GFER: variants seen among roughly 807,000 people sequenced by gnomAD.
The protein encoded by GFER is growth factor, augmenter of liver regeneration.
GFER carries 24 observed loss-of-function variants against 18.2 expected under a neutral mutation model. The ratio of observed to expected loss-of-function variants is 1.32; its 90% confidence interval spans 0.96 to 1.86. GFER has a LOEUF of 1.86. GFER is among the 40% of genes most tolerant of loss of function. The probability of loss-of-function intolerance (pLI) is 0.00; values close to 1 mark genes in which losing one functional copy is unlikely to be tolerated. For missense variants in GFER, 316 were observed against 295.6 expected (o/e 1.07, Z -0.51); for synonymous variants, 138 against 126.9 (o/e 1.09, Z -0.59).
chr16:1,985,801 A>G, intron 2 of GFER, 65 bp from the exon 3 acceptor site: 2 of 1,418,600 alleles, frequency 1.4e-6, no homozygotes, highest in South Asian at 1.1e-5. Context: ...GACAGCAGAC[A>G]GGGAACTGGC....
Position 1,984,951 on chromosome 16 carries a change from G to T in GFER, c.455+8G>T. ...TGAAGACCTAAGAAAAAGGTAAGATGTGTTTGCACGCAGCAGAGCTTTGCA... is the reference window on the plus strand; with the variant it reads ...TGAAGACCTAAGAAAAAGGTAAGATTTGTTTGCACGCAGCAGAGCTTTGCA... On this transcript the variant is annotated splice_region_variant and intron_variant, in intron 2 of 2. Transcript: ENST00000248114. 6.2e-7 allele frequency: 1 copy of T among 1,601,464 alleles called. No individual in the cohort carries two copies. The highest frequency in any genetic ancestry group is 8.6e-7 in the Non-Finnish European group (1 of 1,169,184).
At chr16:1,985,430 G>T (rs1484697704) in intron 2 of GFER, among the ~76,000 whole-genome samples, 1 of 152,230 alleles carries the variant, frequency 6.6e-6, no homozygotes, top group Non-Finnish European at 1.5e-5. Context: ...CAGTTAGAAT[G>T]AAGTCTCTTG....
At chr16:1,985,205 G>A (rs2083558067) in intron 2 of GFER, among the ~76,000 whole-genome samples, 1 of 152,252 alleles carries the variant, frequency 6.6e-6, no homozygotes, top group East Asian at 1.9e-4. Flanking sequence ...TGCCTTGTCT[G>A]GCACTGAAGG....
In GFER at chr16:1,984,889, A is replaced by G. The variant is rs2083555243; in HGVS notation, c.401A>G (p.His134Arg). 1 of 1,613,804 alleles carries G rather than the reference A, an allele frequency of 6.2e-7. No individual in the cohort carries two copies. The highest frequency in any genetic ancestry group is 8.5e-7 in the Non-Finnish European group (1 of 1,179,988). Residue 134 changes from histidine to arginine, a missense_variant, in exon 2 of 3, where the codon CAT becomes CGT. Coordinates refer to ENST00000248114, the MANE Select transcript of GFER (RefSeq NM_005262.3). ...CAGCAAGACATGGCCCAGTTCATACATTTATTTTCTAAGTTTTACCCCTGT... is the reference window on the plus strand; with the variant it reads ...CAGCAAGACATGGCCCAGTTCATACGTTTATTTTCTAAGTTTTACCCCTGT... ...EQQQDMAQFI[H>R]LFSKFYPCEE...
chr16:1,984,725 C>T (rs938705432), intron 1 of GFER, 22 bp from the exon 2 acceptor site: 11 of 1,599,178 alleles, frequency 6.9e-6, no homozygotes, highest in Non-Finnish European at 9.4e-6. Context: ...TGAACTCACT[C>T]TCGGTCGGCC....
chr16:1,984,691 C>T (rs532850984), intron 1 of GFER, 56 bp from the exon 2 acceptor site: 2 of 1,516,324 alleles, frequency 1.3e-6, no homozygotes, highest in Non-Finnish European at 1.8e-6. Context: ...CAGTGGGGAG[C>T]TTTGGGCGCC....
chr16:1,987,136 G>C lies in GFER; in HGVS notation c.*1108G>C, dbSNP rs1001448390. 1 of 152,254 alleles carries C rather than the reference G, an allele frequency of 6.6e-6. No homozygotes were observed. The highest frequency in any genetic ancestry group is 2.4e-5 in the African/African-American group (1 of 41,398). The allele number at this position is 152,254 out of a possible 1,614,324, so 9.4% of individuals were successfully genotyped here. ...CACGGCGGGGACAGATGCGGGGTACGTTAAAGGGAGAGCCAGAGAACTCAT... is the reference window on the plus strand; with the variant it reads ...CACGGCGGGGACAGATGCGGGGTACCTTAAAGGGAGAGCCAGAGAACTCAT... On this transcript the variant is annotated 3_prime_UTR_variant, in exon 3 of 3. Transcript: ENST00000248114.
Position 1,984,434 on chromosome 16 carries a change from G to A in GFER, c.216G>A (p.Arg72=), listed in dbSNP as rs755279097. The A allele has an allele frequency of 1.5e-5, 23 of 1,549,812 alleles. No homozygotes were observed. The African/African-American group carries it at 3.0e-4, about 20-fold the overall frequency. The part of the protein sequence containing the change: ...AEDASRRRPC[R]ACVDFKTWMR... ...ACGCCTCCCGGAGGCGGCCGTGCCG[G>A]GCCTGCGTCGACTTCAAGACGTGGA... Residue 72 remains arginine (R), a synonymous_variant, in exon 1 of 3, where the codon CGG becomes CGA. Transcript: ENST00000248114.
Position 1,985,943 on chromosome 16 carries a change from ACC to A in GFER, c.534_535del (p.Asn178LysfsTer7), listed in dbSNP as rs1567335660. The A allele has an allele frequency of 6.2e-7, 1 of 1,612,986 alleles. No individual in the cohort carries two copies. The highest frequency in any genetic ancestry group is 1.1e-5 in the South Asian group (1 of 91,094). ...CTGTGCCACCTGCACAATGAAGTGA[ACC>A]GCAAGCTGGGCAAGCCTGACTTCGA... On this transcript the variant is annotated frameshift_variant, in exon 3 of 3. Transcript: ENST00000248114. LOFTEE classifies it high-confidence loss of function.
At position 1,984,922 on chromosome 16, in the gene GFER, G is replaced by C; in HGVS notation, c.434G>C (p.Cys145Ser). The C allele has an allele frequency of 6.2e-7, 1 of 1,613,178 alleles. No homozygotes were observed. The highest frequency in any genetic ancestry group is 8.5e-7 in the Non-Finnish European group (1 of 1,179,536). ...TCTAAGTTTTACCCCTGTGAGGAGT[G>C]TGCTGAAGACCTAAGAAAAAGGTAA... ...LFSKFYPCEECAEDLRKRLCR... is the reference protein window; with the variant it reads ...LFSKFYPCEESAEDLRKRLCR... Residue 145 changes from cysteine (C) to serine (S), a missense_variant, in exon 2 of 3, where the codon TGT becomes TCT. Transcript: ENST00000248114.
rs1016101367 is a variant in GFER, at chr16:1,985,857, C to T, written c.456-9C>T. On this transcript the variant is annotated splice_polypyrimidine_tract_variant and intron_variant, in intron 2 of 2. Transcript: ENST00000248114. ...GTCCTCTCATTCTTTACCTGCTCTC[C>T]CTACACAGGCTGTGCAGGAACCACC... is the stretch of plus-strand genomic sequence containing the variant. The T allele has an allele frequency of 1.4e-5, 23 of 1,610,750 alleles. No homozygotes were observed. Among genetic ancestry groups the T allele is most frequent in the South Asian group, 3.3e-5 (3 of 91,052 alleles).
rs1185969720 is a variant in GFER at position 1,986,474 on chromosome 16, A to C, written c.*446A>C. 6.5e-6 allele frequency: 2 copies of C among 308,320 alleles called. No homozygotes were observed. The allele number at this position is 308,320 out of a possible 1,614,324, so 19.1% of individuals were successfully genotyped here. ...TGCCCCCCATGGCTCTGTGCTGCTCACTTTAGGGGGCTCAATTCTCCACTC... is the reference window on the plus strand; with the variant it reads ...TGCCCCCCATGGCTCTGTGCTGCTCCCTTTAGGGGGCTCAATTCTCCACTC... On this transcript the variant is annotated 3_prime_UTR_variant, in exon 3 of 3. Transcript: ENST00000248114.
At position 1,986,021 on chromosome 16, in the gene GFER, G is replaced by A; in HGVS notation, c.611G>A (p.Cys204Tyr). 1 of 1,612,668 alleles carries A rather than the reference G, an allele frequency of 6.2e-7. No individual in the cohort carries two copies. ...RWRDGWKDGSCD is the reference protein window; with the variant it reads ...RWRDGWKDGSYD The stretch of plus-strand genomic sequence containing the variant: ...CGCGACGGCTGGAAGGATGGCTCCT[G>A]TGACTAGAGGGTGGTCAGCCAGAGC... Residue 204 changes from cysteine (C) to tyrosine (Y), a missense_variant, in exon 3 of 3, where the codon TGT becomes TAT. Cys to Tyr is a radical substitution (Grantham distance 194). Transcript: ENST00000248114.
chr16:1,984,359 G>A lies in GFER; in HGVS notation c.141G>A (p.Ser47=). ...CGGGGCGGAGAGACGCGGCCGCCTC[G>A]GCCTCGACGCCAGCCCAGGCGCCGA... The part of the protein sequence containing the change: ...RGAGRRDAAA[S]ASTPAQAPTS... The change falls in exon 1 of 3, where the codon TCG becomes TCA. Residue 47 remains serine (S), a synonymous_variant. Coordinates refer to ENST00000248114, the MANE Select transcript of GFER (RefSeq NM_005262.3). 2.0e-6 allele frequency: 3 copies of A among 1,517,878 alleles called. No individual in the cohort carries two copies. Among genetic ancestry groups the A allele is most frequent in the Non-Finnish European group, 2.6e-6 (3 of 1,138,486 alleles). The allele number at this position is 1,517,878 out of a possible 1,614,324, so 94.0% of individuals were successfully genotyped here.
intron 2 of GFER, among the ~76,000 whole-genome samples, chr16:1,985,451 G>A (rs1417649436): frequency 6.6e-6 from 1 of 152,194 alleles, no homozygotes; most frequent in Admixed American, 6.5e-5. Flanking sequence ...CTGAACTGAC[G>A]CACCAGGGCC....
At position 1,986,537 on chromosome 16, in the gene GFER, T is replaced by G. The variant is rs2083568641; in HGVS notation, c.*509T>G. ...ACAGGGAAAGCTCAGGTCGGGTCTTTCTGAGGGTCCACCAGCCATCCTACC... is the reference window on the plus strand; with the variant it reads ...ACAGGGAAAGCTCAGGTCGGGTCTTGCTGAGGGTCCACCAGCCATCCTACC... On this transcript the variant is annotated 3_prime_UTR_variant, in exon 3 of 3. Transcript: ENST00000248114. 1 of 215,394 alleles carries G rather than the reference T, an allele frequency of 4.6e-6. No individual in the cohort carries two copies. Among genetic ancestry groups the G allele is most frequent in the Non-Finnish European group, 9.5e-6 (1 of 104,876 alleles). The allele number at this position is 215,394 out of a possible 1,614,324, so 13.3% of individuals were successfully genotyped here. A position where few individuals can be genotyped will look rare whatever the true frequency, so the allele number is the denominator to read the frequency against.
At chr16:1,985,285 C>G (rs377088360) in intron 2 of GFER, among the ~76,000 whole-genome samples, 13 of 152,258 alleles carry the variant, frequency 8.5e-5, no homozygotes, top group African/African-American at 2.9e-4. Flanking sequence ...GTTTTAAAAT[C>G]TTGGAAATCC....
chr16:1,985,763 C>G, intron 2 of GFER, 103 bp from the exon 3 acceptor site: 1 of 1,094,430 alleles, frequency 9.1e-7, no homozygotes, highest in African/African-American at 1.5e-5. Flanking sequence ...AGGTGTAGTT[C>G]ACAGCAGTGC....
Position 1,985,930 on chromosome 16 carries a change from C to T in GFER, c.520C>T (p.His174Tyr). 2 of 1,612,992 alleles carry T rather than the reference C, an allele frequency of 1.2e-6. No homozygotes were observed. The highest frequency in any genetic ancestry group is 1.7e-6 in the Non-Finnish European group (2 of 1,179,924). Residue 174 changes from histidine to tyrosine, a missense_variant, in exon 3 of 3, where the codon CAC becomes TAC. Transcript: ENST00000248114. The stretch of plus-strand genomic sequence containing the variant: ...CTTCACACAGTGGCTGTGCCACCTG[C>T]ACAATGAAGTGAACCGCAAGCTGGG... Reference protein sequence around the residue: ...ACFTQWLCHLHNEVNRKLGKP... With the variant: ...ACFTQWLCHLYNEVNRKLGKP...
Sources: allele counts gnomAD v4.1 joint callset (sites outside exome capture counted in the v4.1 genomes callset), GRCh38; gene constraint gnomAD v4.1.1; transcripts MANE v1.5; gene names NCBI Gene and HGNC (gene_info 2026-07-23, HGNC 2026-07-21).